NR6A1: variants seen among roughly 807,000 people sequenced by gnomAD.
The protein encoded by NR6A1 is nuclear receptor subfamily 6 group A member 1, also known as retinoic acid receptor-related testis-associated receptor.
In NR6A1, 7 loss-of-function variants were observed where a neutral mutation model predicts 59.1. The observed-to-expected ratio is 0.12, with a 90% CI of 0.07 to 0.22. The LOEUF (loss-of-function observed/expected upper bound fraction) is 0.22. NR6A1 is among the 10% of genes least tolerant of loss of function. NR6A1 has a pLI of 1.00. For missense variants in NR6A1, 468 were observed against 611.6 expected (o/e 0.77, Z 2.48); for synonymous variants, 243 against 236.1 (o/e 1.03, Z -0.27).
intron 2 of NR6A1, among the ~76,000 whole-genome samples, chr9:124,650,883 T>C (rs1237629307): frequency 6.6e-6 from 1 of 152,146 alleles, no homozygotes; most frequent in African/African-American, 2.4e-5. Flanking sequence ...TCTGTCACTT[T>C]AGAAAAAAGT....
chr9:124,699,693 TATTC>T (rs908187875), intron 2 of NR6A1, among the ~76,000 whole-genome samples: 4 of 152,226 alleles, frequency 2.6e-5, no homozygotes, highest in Admixed American at 2.0e-4. Flanking sequence ...CAATGACTTT[TATTC>T]ATTCATTTAT....
At chr9:124,552,407 G>C (rs1437473451) in intron 3 of NR6A1, among the ~76,000 whole-genome samples, 4 of 152,152 alleles carry the variant, frequency 2.6e-5, no homozygotes, top group African/African-American at 9.7e-5. Context: ...AGCAGTGTAA[G>C]GCATCCCTGA....
chr9:124,541,315 A>C (rs144749268), intron 4 of NR6A1, among the ~76,000 whole-genome samples: 18 of 152,324 alleles, frequency 1.2e-4, no homozygotes, highest in African/African-American at 4.3e-4. Flanking sequence ...TGAAAAATGA[A>C]CAAGAAACTT....
intron 2 of NR6A1, among the ~76,000 whole-genome samples, chr9:124,717,319 A>G (rs2131086147): frequency 6.6e-6 from 1 of 152,346 alleles, no homozygotes; most frequent in East Asian, 1.9e-4. Flanking sequence ...CATAATAACC[A>G]AAAATTAGAA....
chr9:124,611,611 T>A (rs1237563260), intron 2 of NR6A1, among the ~76,000 whole-genome samples: 1 of 152,030 alleles, frequency 6.6e-6, no homozygotes, highest in South Asian at 2.1e-4. Flanking sequence ...CAGCTGGGCA[T>A]GGTGGCACAT....
chr9:124,568,185 A>AAG (rs1834328189), intron 2 of NR6A1, among the ~76,000 whole-genome samples: 1 of 146,382 alleles, frequency 6.8e-6, no homozygotes, highest in Non-Finnish European at 1.5e-5. Flanking sequence ...AAAAAAAAAA[A>AAG]AAAAAAAAAA....
At position 124,522,756 on chromosome 9, in the gene NR6A1, G is replaced by A. The variant is rs1411429227; in HGVS notation, c.1392C>T (p.Leu464=). 1 of 1,595,016 alleles carries A rather than the reference G, an allele frequency of 6.3e-7. No individual in the cohort carries two copies. The highest frequency in any genetic ancestry group is 1.1e-5 in the South Asian group (1 of 87,490). ...MVNVPLEQLP[L]LFKVVLHSCK... ...AGGAATGCAGCACCACCTTAAAGAG[G>A]AGGGGCAGCTGCTCCAGGGGCACAT... The change falls in exon 10 of 10, where the codon CTC becomes CTT. Residue 464 remains leucine, a synonymous_variant. Coordinates refer to ENST00000487099, the MANE Select transcript of NR6A1 (RefSeq NM_033334.4).
chr9:124,757,826 G>C (rs1418647426), intron 1 of NR6A1, among the ~76,000 whole-genome samples: 2 of 152,170 alleles, frequency 1.3e-5, no homozygotes, highest in Non-Finnish European at 2.9e-5. Context: ...TTGAAACATC[G>C]GGTATTCTCC....
chr9:124,580,538 G>A (rs1834733882), intron 2 of NR6A1, among the ~76,000 whole-genome samples: 1 of 152,112 alleles, frequency 6.6e-6, no homozygotes, highest in Non-Finnish European at 1.5e-5. Context: ...AACAAAGCTG[G>A]GCCAGGCGTG....
intron 2 of NR6A1, among the ~76,000 whole-genome samples, chr9:124,656,446 G>A (rs1837261441): frequency 6.6e-6 from 1 of 152,152 alleles, no homozygotes; most frequent in Non-Finnish European, 1.5e-5. Context: ...CATGAACCTT[G>A]AGGACACCAT....
chr9:124,665,838 G>A (rs918033297), intron 2 of NR6A1, among the ~76,000 whole-genome samples: 2 of 152,182 alleles, frequency 1.3e-5, no homozygotes, highest in Non-Finnish European at 2.9e-5. Context: ...TTAATCTTAC[G>A]AACCAGAAAG....
rs144741802 is a variant in NR6A1 at position 124,705,566 on chromosome 9, C to G, written c.142+27742G>C. Among the ~76,000 whole-genome samples, 8 of 152,204 alleles carry G rather than the reference C, an allele frequency of 5.3e-5. 1 individual carries two copies. In the East Asian group the frequency reaches 1.5e-3, roughly 29 times the overall value. On this transcript the variant is annotated intron_variant, in intron 2 of 9. Coordinates refer to ENST00000487099, the MANE Select transcript of NR6A1 (RefSeq NM_033334.4). ...TTGTGTCTTTAAATCTAAGGTATGT[C>G]CATTATTGAACTGACAGCATAGAGC...
intron 1 of NR6A1, among the ~76,000 whole-genome samples, chr9:124,769,775 G>A (rs929729968): frequency 3.3e-5 from 5 of 152,196 alleles, no homozygotes; most frequent in African/African-American, 7.2e-5. Flanking sequence ...GTTTGCCGCC[G>A]GAGCGTTTGC....
chr9:124,583,569 G>C (rs1174324250), intron 2 of NR6A1, among the ~76,000 whole-genome samples: 1 of 152,162 alleles, frequency 6.6e-6, no homozygotes, highest in East Asian at 1.9e-4. Context: ...CTTCTGTTTA[G>C]GGGCAGGGGC....
At chr9:124,693,433 G>A (rs1314948564) in intron 2 of NR6A1, among the ~76,000 whole-genome samples, 3 of 152,170 alleles carry the variant, frequency 2.0e-5, no homozygotes, top group Non-Finnish European at 2.9e-5. Flanking sequence ...CTCAGCTGTG[G>A]TTTACAGGTA....
At chr9:124,740,165 T>C (rs1399255930) in intron 1 of NR6A1, among the ~76,000 whole-genome samples, 1 of 152,186 alleles carries the variant, frequency 6.6e-6, no homozygotes, top group Non-Finnish European at 1.5e-5. Flanking sequence ...TCAATTCCTT[T>C]ACACATGCTA....
At chr9:124,567,534 G>A (rs1319492209) in intron 2 of NR6A1, among the ~76,000 whole-genome samples, 3 of 152,162 alleles carry the variant, frequency 2.0e-5, no homozygotes, top group African/African-American at 7.2e-5. Context: ...GGAGGCAGGA[G>A]CAGGAGGATA....
intron 2 of NR6A1, among the ~76,000 whole-genome samples, chr9:124,593,421 G>C (rs560472311): frequency 6.6e-6 from 1 of 152,278 alleles, no homozygotes; most frequent in Admixed American, 6.5e-5. Context: ...AAAAGGGAGG[G>C]AGGAAGAGAG....
At chr9:124,672,552 T>A (rs1588767544) in intron 2 of NR6A1, among the ~76,000 whole-genome samples, 2 of 151,860 alleles carry the variant, frequency 1.3e-5, no homozygotes, top group African/African-American at 4.8e-5. Context: ...GAGGCAGAGG[T>A]TGCAGTGAGC....
Sources: allele counts gnomAD v4.1 joint callset (sites outside exome capture counted in the v4.1 genomes callset), GRCh38; gene constraint gnomAD v4.1.1; transcripts MANE v1.5; gene names NCBI Gene and HGNC (gene_info 2026-07-23, HGNC 2026-07-21).